Variants in CCSER2 observed in about 807,000 individuals in gnomAD.
CCSER2 encodes the protein serine-rich coiled-coil domain-containing protein 2.
Under a neutral mutation model 92.3 loss-of-function variants are expected in CCSER2, and 46 were observed. That is an observed-to-expected ratio of 0.50 (90% CI 0.39 to 0.64). The LOEUF is 0.64. Among genes scored for constraint, CCSER2 ranks in the 30% least tolerant of loss-of-function variants. The pLI, the probability that CCSER2 is intolerant of heterozygous loss-of-function variation, is 0.00. For missense variants in CCSER2, 1,244 were observed against 1,238.9 expected (o/e 1.00, Z -0.06); for synonymous variants, 433 against 431.4 (o/e 1.00, Z -0.04).
At chr10:84,329,907 C>T (rs1325121128) in intron 1 of CCSER2, among the ~76,000 whole-genome samples, 1 of 152,222 alleles carries the variant, frequency 6.6e-6, no homozygotes, top group African/African-American at 2.4e-5. Context: ...TTCTAAACAA[C>T]ATTGGCTTCA....
intron 4 of CCSER2, among the ~76,000 whole-genome samples, chr10:84,423,491 T>A (rs1843255345): frequency 6.6e-6 from 1 of 152,228 alleles, no homozygotes; most frequent in South Asian, 2.1e-4. Flanking sequence ...ACCACATCAG[T>A]TTCTACATTG....
chr10:84,458,189 G>A (rs947899964), intron 6 of CCSER2, among the ~76,000 whole-genome samples: 4 of 152,138 alleles, frequency 2.6e-5, no homozygotes, highest in African/African-American at 9.7e-5. Context: ...TTGAAACTTA[G>A]GTGTATAATC....
intron 5 of CCSER2, among the ~76,000 whole-genome samples, chr10:84,436,392 T>C (rs1844149022): frequency 7.2e-6 from 1 of 139,702 alleles, no homozygotes; most frequent in Admixed American, 7.7e-5. Context: ...TCCCAGCACT[T>C]TGGGAGGCCG....
intron 6 of CCSER2, among the ~76,000 whole-genome samples, chr10:84,446,262 G>GT (rs1844909577): frequency 6.6e-6 from 1 of 152,162 alleles, no homozygotes; most frequent in Non-Finnish European, 1.5e-5. Flanking sequence ...CAGGATGCTT[G>GT]TTTTGGGGAT....
At chr10:84,430,046 C>G (rs1843678360) in intron 5 of CCSER2, among the ~76,000 whole-genome samples, 1 of 151,938 alleles carries the variant, frequency 6.6e-6, no homozygotes. Context: ...TAGTGGTCAG[C>G]TAATGGTTGG....
At chr10:84,352,235 C>T (rs1193591910) in intron 1 of CCSER2, among the ~76,000 whole-genome samples, 3 of 151,982 alleles carry the variant, frequency 2.0e-5, no homozygotes, top group African/African-American at 7.3e-5. Context: ...ACTCAGGAGG[C>T]GGAGGTTGCA....
intron 9 of CCSER2, among the ~76,000 whole-genome samples, chr10:84,509,645 G>T (rs1355182527): frequency 6.6e-6 from 1 of 152,166 alleles, no homozygotes; most frequent in Non-Finnish European, 1.5e-5. Flanking sequence ...GAGGCACTTA[G>T]CTCTGTAAGT....
At chr10:84,364,072 C>T (rs568426110) in intron 1 of CCSER2, among the ~76,000 whole-genome samples, 2 of 147,044 alleles carry the variant, frequency 1.4e-5, no homozygotes, top group South Asian at 4.3e-4. Context: ...AATAAAAATA[C>T]TATATAAAAG....
intron 5 of CCSER2, among the ~76,000 whole-genome samples, chr10:84,429,550 A>T (rs1843644089): frequency 6.6e-6 from 1 of 152,120 alleles, no homozygotes; most frequent in African/African-American, 2.4e-5. Context: ...TCTGATGAGA[A>T]ATCGGCTGTT....
chr10:84,502,662 C>T (rs1010673026), intron 9 of CCSER2, among the ~76,000 whole-genome samples: 18 of 152,070 alleles, frequency 1.2e-4, no homozygotes, highest in African/African-American at 3.4e-4. Flanking sequence ...TGAGCCACCA[C>T]GCTCGGCCTC....
chr10:84,426,304 CAGA>C (rs1843431010), intron 5 of CCSER2, among the ~76,000 whole-genome samples: 1 of 152,158 alleles, frequency 6.6e-6, no homozygotes, highest in African/African-American at 2.4e-5. Context: ...CCATTAAAAA[CAGA>C]AGAAGGTACT....
chr10:84,337,224 G>T (rs534879495), intron 1 of CCSER2, among the ~76,000 whole-genome samples: 1 of 152,188 alleles, frequency 6.6e-6, no homozygotes, highest in Non-Finnish European at 1.5e-5. Flanking sequence ...AATGTGGCTG[G>T]AGAAGTCCCA....
chr10:84,457,283 ATAT>A (rs1282792561), intron 6 of CCSER2, among the ~76,000 whole-genome samples: 14 of 76,232 alleles, frequency 1.8e-4, no homozygotes, highest in African/African-American at 7.5e-4. Context: ...AATATATTAT[ATAT>A]TATATATTAT....
intron 9 of CCSER2, among the ~76,000 whole-genome samples, chr10:84,511,915 T>G (rs1373321622): frequency 6.6e-6 from 1 of 152,242 alleles, no homozygotes; most frequent in Non-Finnish European, 1.5e-5. Context: ...GATATTTAGC[T>G]TGAGGCAGCA....
At chr10:84,434,845 T>A (rs879083337) in intron 5 of CCSER2, among the ~76,000 whole-genome samples, 1 of 152,152 alleles carries the variant, frequency 6.6e-6, no homozygotes, top group Admixed American at 6.6e-5. Context: ...GCCCTGTGTG[T>A]TGTGTGGCTA....
intron 6 of CCSER2, among the ~76,000 whole-genome samples, chr10:84,463,482 G>C (rs1489753246): frequency 6.6e-6 from 1 of 152,162 alleles, no homozygotes; most frequent in Non-Finnish European, 1.5e-5. Context: ...CATGTAGCTA[G>C]TATTTTTAAT....
intron 9 of CCSER2, among the ~76,000 whole-genome samples, chr10:84,510,615 T>C (rs960535421): frequency 2.0e-5 from 3 of 152,250 alleles, no homozygotes; most frequent in Non-Finnish European, 4.4e-5. Context: ...GGGCATCCTT[T>C]TAATGACCAT....
chr10:84,329,728 CT>C (rs1490532585), intron 1 of CCSER2, among the ~76,000 whole-genome samples: 1 of 152,124 alleles, frequency 6.6e-6, no homozygotes, highest in Non-Finnish European at 1.5e-5. Flanking sequence ...TTAAGATGCT[CT>C]CCTGCAAAAG....
chr10:84,475,059 AATACCCAAGG>A (rs1445067292), intron 8 of CCSER2, among the ~76,000 whole-genome samples: 1 of 152,176 alleles, frequency 6.6e-6, no homozygotes, highest in Non-Finnish European at 1.5e-5. Context: ...CTCACACAGT[AATACCCAAGG>A]ATAGGTTAAG....
Sources: gnomAD v4.1 joint callset for allele counts (sites outside exome capture counted in the v4.1 genomes callset) on GRCh38, gnomAD v4.1.1 for gene constraint, MANE v1.5 for transcripts, NCBI Gene and HGNC (gene_info 2026-07-23, HGNC 2026-07-21) for gene names.